Variants in HEATR4 observed in about 807,000 individuals in gnomAD.
HEATR4 encodes HEAT repeat-containing protein 4.
HEATR4 carries 95 observed loss-of-function variants against 108.8 expected under a neutral mutation model. The observed-to-expected ratio is 0.87, with a 90% confidence interval of 0.74 to 1.04. The LOEUF is 1.04. Ranked by LOEUF, HEATR4 falls within the 50% of genes least tolerant of loss-of-function variation. The probability of loss-of-function intolerance (pLI) is 0.00; values close to 1 mark genes in which losing one functional copy is unlikely to be tolerated. For missense variants in HEATR4, 1,152 were observed against 1,253.8 expected, an observed-to-expected ratio of 0.92 and a Z score of 1.23; for synonymous variants, 443 against 459.4, an observed-to-expected ratio of 0.96 and a Z score of 0.46.
chr14:73,573,320 T>C, the HEATR4 span: 8 of 1,607,108 alleles, frequency 5.0e-6, no homozygotes, highest in Admixed American at 1.3e-4. Flanking sequence ...TAAGTATATG[T>C]TTAACTTAAA....
chr14:73,525,888 G>C (rs1017323662), intron 2 of HEATR4, among the ~76,000 whole-genome samples: 3 of 151,956 alleles, frequency 2.0e-5, no homozygotes, highest in South Asian at 2.1e-4. Flanking sequence ...GGGAAGCAGA[G>C]GTTGCAGTGA....
the HEATR4 span, among the ~76,000 whole-genome samples, chr14:73,566,308 C>A: frequency 2.0e-4 from 30 of 152,250 alleles, no homozygotes; most frequent in Non-Finnish European, 1.0e-4. Context: ...GGTGGAGCTG[C>A]CTGCCAGTCC....
chr14:73,591,800 T>A, the HEATR4 span: 1 of 627,556 alleles, frequency 1.6e-6, no homozygotes, highest in East Asian at 3.5e-5. Context: ...GAGCGCCGGG[T>A]TAACCGGTCT....
chr14:73,506,087 C>T (rs773636961), intron 10 of HEATR4, among the ~76,000 whole-genome samples: 16 of 151,696 alleles, frequency 1.1e-4, no homozygotes, highest in Non-Finnish European at 1.6e-4. Flanking sequence ...GATGGAGTTT[C>T]ACCATGTTGG....
At chr14:73,499,664 A>T (rs541042487) in intron 12 of HEATR4, among the ~76,000 whole-genome samples, 1 of 152,300 alleles carries the variant, frequency 6.6e-6, no homozygotes, top group East Asian at 1.9e-4. Context: ...TGATTTTCTC[A>T]GTCTACAGAT....
chr14:73,563,095 T>G (rs1459804324), upstream of HEATR4, among the ~76,000 whole-genome samples: 2 of 151,998 alleles, frequency 1.3e-5, no homozygotes, highest in African/African-American at 4.8e-5. Context: ...AATAAAAACT[T>G]GCTGGTCTGA....
chr14:73,619,919 CT>C, the HEATR4 span: 105,111 of 1,132,758 alleles, frequency 0.093, 2 homozygotes, highest in South Asian at 0.1. Context: ...TTTCTTTTCT[CT>C]TTTTTTTTTT....
At chr14:73,612,586 G>A in the HEATR4 span, 2 of 1,408,134 alleles carry the variant, frequency 1.4e-6, no homozygotes, top group Non-Finnish European at 1.9e-6. Flanking sequence ...CAGCGACGCT[G>A]ATCCTGGAGC....
At chr14:73,592,600 C>T in the HEATR4 span, among the ~76,000 whole-genome samples, 1 of 152,242 alleles carries the variant, frequency 6.6e-6, no homozygotes, top group African/African-American at 2.4e-5. Context: ...CGCCTGTAAT[C>T]CCAGCACTTT....
chr14:73,518,117 T>C (rs897236665), intron 5 of HEATR4, among the ~76,000 whole-genome samples: 2 of 151,364 alleles, frequency 1.3e-5, no homozygotes, highest in Admixed American at 1.3e-4. Flanking sequence ...GGAAATCCTG[T>C]GGCTGTCCAC....
chr14:73,491,206 G>C, intron 17 of HEATR4: 2 of 1,595,022 alleles, frequency 1.3e-6, no homozygotes, highest in Non-Finnish European at 1.7e-6. Context: ...GCGAGAACTC[G>C]GAGGAATCGA....
At chr14:73,615,518 G>A in the HEATR4 span, among the ~76,000 whole-genome samples, 92 of 151,448 alleles carry the variant, frequency 6.1e-4, no homozygotes, top group African/African-American at 2.0e-3. Context: ...ATCATCTGAG[G>A]TCAGGAGTTT....
Position 73,508,538 on chromosome 14 carries a change from C to G in HEATR4, c.1721-244G>C, listed in dbSNP as rs112974822. On this transcript the variant is annotated intron_variant, in intron 8 of 17. Transcript: ENST00000553558. ...CCAAGGTGGGCGGATCACCTAAGGTCAGGAGTTCAAGACCAGCCTGGCCAA... is the reference window on the plus strand; with the variant it reads ...CCAAGGTGGGCGGATCACCTAAGGTGAGGAGTTCAAGACCAGCCTGGCCAA... Among the ~76,000 whole-genome samples, 1,279 of 152,154 alleles carry G rather than the reference C, an allele frequency of 8.4e-3. 14 individuals carry two copies. Among genetic ancestry groups the G allele is most frequent in the African/African-American group, 0.029 (1,196 of 41,496 alleles).
At chr14:73,488,511 C>A (rs954384539) in intron 17 of HEATR4, among the ~76,000 whole-genome samples, 1 of 151,958 alleles carries the variant, frequency 6.6e-6, no homozygotes, top group Non-Finnish European at 1.5e-5. Context: ...ACCTCATGAT[C>A]CACCCACCTT....
the HEATR4 span, among the ~76,000 whole-genome samples, chr14:73,564,346 T>C: frequency 6.6e-6 from 1 of 150,686 alleles, no homozygotes; most frequent in Non-Finnish European, 1.5e-5. Context: ...GTGGTGGCTC[T>C]TGCCTATAAT....
At chr14:73,484,629 C>T (rs1466033187) in intron 17 of HEATR4, among the ~76,000 whole-genome samples, 1 of 152,138 alleles carries the variant, frequency 6.6e-6, no homozygotes, top group Non-Finnish European at 1.5e-5. Flanking sequence ...ATCCTCCCGC[C>T]TCAGCCTCCC....
chr14:73,632,903 T>A, the HEATR4 span, among the ~76,000 whole-genome samples: 2 of 150,906 alleles, frequency 1.3e-5, no homozygotes, highest in Non-Finnish European at 3.0e-5. Flanking sequence ...TTCTTCTGCA[T>A]ACAAAAAATA....
the HEATR4 span, among the ~76,000 whole-genome samples, chr14:73,615,388 T>TTAAAAAA: frequency 6.3e-5 from 4 of 63,330 alleles, no homozygotes; most frequent in African/African-American, 4.0e-4. Context: ...CTCTGTCTGA[T>TTAAAAAA]AAAAAAAAAA....
chr14:73,613,069 C>A, the HEATR4 span: 3 of 584,740 alleles, frequency 5.1e-6, no homozygotes, highest in Non-Finnish European at 8.4e-6. Context: ...TCTGCGACCC[C>A]CACCGGCCCC....
Sources: gnomAD v4.1 joint callset for allele counts (sites outside exome capture counted in the v4.1 genomes callset) on GRCh38, gnomAD v4.1.1 for gene constraint, MANE v1.5 for transcripts, NCBI Gene and HGNC (gene_info 2026-07-23, HGNC 2026-07-21) for gene names.